Variants in CFAP44 observed in about 807,000 individuals in gnomAD.
The protein encoded by CFAP44 is cilia and flagella associated protein 44, also known as cilia- and flagella-associated protein 44.
A neutral mutation model predicts 216.2 loss-of-function variants in CFAP44; 134 were observed. The ratio of observed to expected loss-of-function variants is 0.62; its 90% confidence interval spans 0.54 to 0.72. The LOEUF is 0.72. Ranked by LOEUF, CFAP44 falls within the 30% of genes least tolerant of loss-of-function variation. CFAP44 has a pLI of 0.00. For synonymous variants in CFAP44, 700 were observed against 727.6 expected, an observed-to-expected ratio of 0.96 and a Z score of 0.61; for missense variants, 2,035 against 2,182.1, an observed-to-expected ratio of 0.93 and a Z score of 1.34.
intron 1 of CFAP44, among the ~76,000 whole-genome samples, chr3:113,437,342 A>G (rs1183537549): frequency 6.6e-6 from 1 of 152,230 alleles, no homozygotes; most frequent in East Asian, 1.9e-4. Flanking sequence ...GATTCTAATA[A>G]AAAGAGCCCA....
At chr3:113,435,135 A>T (rs1244953884) in intron 1 of CFAP44, among the ~76,000 whole-genome samples, 2 of 152,160 alleles carry the variant, frequency 1.3e-5, no homozygotes, top group African/African-American at 2.4e-5. Context: ...AGGCAGGAGG[A>T]CTGCTTGAGA....
rs536813623 is a variant in CFAP44, at chr3:113,363,281, T to C, written c.2798A>G (p.Glu933Gly). 2 of 1,610,674 alleles carry C rather than the reference T, an allele frequency of 1.2e-6. No homozygotes were observed. Among genetic ancestry groups the C allele is most frequent in the Admixed American group, 1.7e-5 (1 of 59,352 alleles). Residue 933 changes from glutamate to glycine, a missense_variant, in exon 21 of 35, where the codon GAA becomes GGA. Coordinates refer to ENST00000393845, the MANE Select transcript of CFAP44 (RefSeq NM_001164496.2). ...YSIENARRKR[E>G]HDKLMKEVGE... ...CACTTCTTTCATTAACTTGTCATGTTCTCTTTTTCTCCTAGCATTCTCGAT... is the reference window on the plus strand; with the variant it reads ...CACTTCTTTCATTAACTTGTCATGTCCTCTTTTTCTCCTAGCATTCTCGAT...
At chr3:113,393,971 T>C (rs949036106) in intron 15 of CFAP44, among the ~76,000 whole-genome samples, 1 of 152,162 alleles carries the variant, frequency 6.6e-6, no homozygotes, top group South Asian at 2.1e-4. Flanking sequence ...ATGAGCCAAA[T>C]TGCCCAGCCT....
chr3:113,363,434 C>T (rs1396019417), intron 20 of CFAP44, 43 bp downstream of exon 20: 1 of 1,586,696 alleles, frequency 6.3e-7, no homozygotes, highest in Admixed American at 1.8e-5. Flanking sequence ...ATTTGTTTTG[C>T]AAAATCTCAG....
intron 15 of CFAP44, among the ~76,000 whole-genome samples, chr3:113,383,975 C>T (rs1022842573): frequency 1.3e-5 from 2 of 151,428 alleles, no homozygotes; most frequent in Non-Finnish European, 2.9e-5. Flanking sequence ...TGTTCAACTT[C>T]CACTTATGAG....
chr3:113,348,358 C>T (rs1234223280), intron 22 of CFAP44, among the ~76,000 whole-genome samples: 2 of 152,152 alleles, frequency 1.3e-5, no homozygotes, highest in Non-Finnish European at 2.9e-5. Flanking sequence ...TTCTGCACTA[C>T]AGCCTGGCCC....
intron 29 of CFAP44, among the ~76,000 whole-genome samples, chr3:113,306,793 G>C (rs775733956): frequency 3.9e-5 from 6 of 152,108 alleles, no homozygotes; most frequent in Non-Finnish European, 7.4e-5. Context: ...TACTAAAATA[G>C]AATTCAGGAA....
chr3:113,431,121 G>C (rs1053762462), intron 2 of CFAP44, among the ~76,000 whole-genome samples: 3 of 152,076 alleles, frequency 2.0e-5, no homozygotes, highest in African/African-American at 7.2e-5. Context: ...TAACAAGCCT[G>C]AGAGCAAAGC....
At chr3:113,330,769 A>C in intron 25 of CFAP44, 101 bp from the exon 26 acceptor site, 1 of 1,392,016 alleles carries the variant, frequency 7.2e-7, no homozygotes, top group Non-Finnish European at 9.4e-7. Flanking sequence ...CCTAGAAAAA[A>C]TTCAAGATAA....
chr3:113,340,698 C>A (rs1049295749), intron 24 of CFAP44, among the ~76,000 whole-genome samples: 1 of 152,180 alleles, frequency 6.6e-6, no homozygotes. Flanking sequence ...CCCCAATGGG[C>A]GTGTCTTACA....
chr3:113,325,766 AAAG>A (rs1261618185), intron 28 of CFAP44, among the ~76,000 whole-genome samples: 3 of 152,212 alleles, frequency 2.0e-5, no homozygotes, highest in Non-Finnish European at 4.4e-5. Context: ...CAATTTTACA[AAAG>A]AAGAATAAAG....
chr3:113,336,162 A>C (rs1950280518), intron 24 of CFAP44, among the ~76,000 whole-genome samples: 1 of 152,174 alleles, frequency 6.6e-6, no homozygotes. Context: ...TTAAGAAGCA[A>C]GAAACTAAAA....
At chr3:113,320,413 T>A (rs73235048) in intron 28 of CFAP44, among the ~76,000 whole-genome samples, 1,596 of 141,392 alleles carry the variant, frequency 0.011, 26 homozygotes, top group Middle Eastern at 0.018. Flanking sequence ...GATATATACA[T>A]GATATATATA....
intron 30 of CFAP44, 76 bp downstream of exon 30, chr3:113,306,125 C>T: frequency 1.4e-6 from 2 of 1,445,984 alleles, no homozygotes; most frequent in East Asian, 2.5e-5. Context: ...ATTGTCATTG[C>T]TATAAAAAGG....
intron 4 of CFAP44, among the ~76,000 whole-genome samples, chr3:113,420,992 G>A (rs1377213855): frequency 6.6e-6 from 1 of 151,966 alleles, no homozygotes; most frequent in Admixed American, 6.6e-5. Flanking sequence ...ATTCAAAATA[G>A]AGTGGGACCT....
chr3:113,294,309 A>T (rs1949859234), intron 34 of CFAP44: 2 of 292,516 alleles, frequency 6.8e-6, no homozygotes, highest in Non-Finnish European at 1.3e-5. Context: ...GGTAGATTTC[A>T]CCACTCAAGA....
chr3:113,400,084 A>G lies in CFAP44; in HGVS notation c.1475-84T>C, dbSNP rs116378146. 1,803 of 869,386 alleles carry G rather than the reference A, an allele frequency of 2.1e-3. 31 individuals are homozygous for G. In the African/African-American group the frequency reaches 0.029, roughly 14 times the overall value. The allele number at this position is 869,386 out of a possible 1,614,324, so 53.9% of individuals were successfully genotyped here. ...GCTCACTTTTTACATGTTGAATATT[A>G]TAACAAGAAATTTCTTAACTAAATC... On this transcript the variant is annotated intron_variant, in intron 12 of 34. Coordinates refer to ENST00000393845, the MANE Select transcript of CFAP44 (RefSeq NM_001164496.2).
intron 1 of CFAP44, among the ~76,000 whole-genome samples, chr3:113,435,376 C>T (rs1906142): frequency 0.46 from 70,274 of 151,602 alleles, 17,658 homozygotes; most frequent in Admixed American, 0.58. Flanking sequence ...AAGTGCAGAG[C>T]GAAGGGGAAG....
chr3:113,439,480 T>C (rs1935309466), intron 1 of CFAP44, among the ~76,000 whole-genome samples: 1 of 152,256 alleles, frequency 6.6e-6, no homozygotes, highest in Non-Finnish European at 1.5e-5. Context: ...TAGCCAAGGA[T>C]AATTATCTCA....
Sources: gnomAD v4.1 joint callset for allele counts (sites outside exome capture counted in the v4.1 genomes callset) on GRCh38, gnomAD v4.1.1 for gene constraint, MANE v1.5 for transcripts, NCBI Gene and HGNC (gene_info 2026-07-23, HGNC 2026-07-21) for gene names.